The following GRAMD2B variants were observed in gnomAD, a reference collection of about 807,000 sequenced individuals.
GRAMD2B encodes the protein GRAM domain containing 2B.
In GRAMD2B, 41 loss-of-function variants were observed where a neutral mutation model predicts 59.2. That is an observed-to-expected ratio of 0.69 (90% CI 0.54 to 0.90). The LOEUF (loss-of-function observed/expected upper bound fraction) is 0.90, where lower values mean the gene tolerates loss of function less well. Ranked by LOEUF, GRAMD2B falls within the 40% of genes least tolerant of loss-of-function variation. The probability of loss-of-function intolerance (pLI) is 0.00; values close to 1 mark genes in which losing one functional copy is unlikely to be tolerated. For synonymous variants in GRAMD2B, 161 were observed against 182.7 expected, an observed-to-expected ratio of 0.88 and a Z score of 0.96; for missense variants, 424 against 500.5, an observed-to-expected ratio of 0.85 and a Z score of 1.46.
chr5:126,449,205 G>A (rs1009148937), intron 1 of GRAMD2B, among the ~76,000 whole-genome samples: 3 of 152,166 alleles, frequency 2.0e-5, no homozygotes, highest in African/African-American at 7.2e-5. Context: ...GTACTGTCAT[G>A]TACAAATTAT....
chr5:126,476,172 CT>C (rs1770570267), intron 5 of GRAMD2B, among the ~76,000 whole-genome samples: 1 of 152,180 alleles, frequency 6.6e-6, no homozygotes, highest in Non-Finnish European at 1.5e-5. Flanking sequence ...ACTCAGGAGG[CT>C]GAGGCAGGAG....
chr5:126,400,288 CAGTT>C (rs1412612540), intron 1 of GRAMD2B, among the ~76,000 whole-genome samples: 1 of 152,058 alleles, frequency 6.6e-6, no homozygotes, highest in Non-Finnish European at 1.5e-5. Flanking sequence ...TATGTTATAA[CAGTT>C]AGCTTATTGT....
rs370884799 is a variant in GRAMD2B at position 126,377,088 on chromosome 5, TC to T, written c.125+5523del. 2.5e-4 allele frequency among the ~76,000 whole-genome samples: 37 copies of T among 148,996 alleles called. No individual in the cohort carries two copies. In the East Asian group the frequency reaches 6.5e-3, roughly 26 times the overall value. ...TCTTTCCCAGACTTCACCAGATACTTCCGCACATTCAATATTTTCTCAATGC... is the reference window on the plus strand; with the variant it reads ...TCTTTCCCAGACTTCACCAGATACTTCGCACATTCAATATTTTCTCAATGC... On this transcript the variant is annotated intron_variant, in intron 1 of 8. Transcript: ENST00000506445.
At chr5:126,374,803 T>C (rs1359874284) in intron 1 of GRAMD2B, among the ~76,000 whole-genome samples, 1 of 152,240 alleles carries the variant, frequency 6.6e-6, no homozygotes, top group Non-Finnish European at 1.5e-5. Flanking sequence ...TAATCTGTAA[T>C]GCCAGCTCTG....
At chr5:126,468,690 G>T (rs1488462969) in intron 2 of GRAMD2B, among the ~76,000 whole-genome samples, 1 of 151,994 alleles carries the variant, frequency 6.6e-6, no homozygotes, top group Non-Finnish European at 1.5e-5. Context: ...ATTTCGCTAT[G>T]TTGGCCAGGC....
At chr5:126,392,288 C>G (rs1561473139) in intron 1 of GRAMD2B, among the ~76,000 whole-genome samples, 1 of 152,142 alleles carries the variant, frequency 6.6e-6, no homozygotes, top group Non-Finnish European at 1.5e-5. Flanking sequence ...AGATTTCTTA[C>G]AGTGACATAG....
intron 1 of GRAMD2B, among the ~76,000 whole-genome samples, chr5:126,383,652 C>T (rs867098105): frequency 4.6e-5 from 7 of 152,046 alleles, no homozygotes; most frequent in Non-Finnish European, 1.0e-4. Context: ...CAAAACTATG[C>T]GAACAAATTA....
At chr5:126,434,435 C>T (rs1762065219) in intron 1 of GRAMD2B, among the ~76,000 whole-genome samples, 1 of 152,296 alleles carries the variant, frequency 6.6e-6, no homozygotes, top group South Asian at 2.1e-4. Context: ...ACCCCCTCCC[C>T]ATATTCCAAA....
upstream of GRAMD2B, among the ~76,000 whole-genome samples, chr5:126,419,865 G>C (rs368262251): frequency 1.8e-4 from 27 of 152,092 alleles, no homozygotes; most frequent in South Asian, 5.4e-3. Context: ...GACCAGCCTG[G>C]CCAATATGGT....
At chr5:126,454,578 A>G (rs1361983617) in intron 1 of GRAMD2B, among the ~76,000 whole-genome samples, 2 of 152,226 alleles carry the variant, frequency 1.3e-5, no homozygotes, top group Non-Finnish European at 2.9e-5. Flanking sequence ...GAGACATAAT[A>G]TTTTAGGAAA....
chr5:126,450,110 G>A (rs1395236071), intron 1 of GRAMD2B, among the ~76,000 whole-genome samples: 2 of 151,910 alleles, frequency 1.3e-5, no homozygotes, highest in Non-Finnish European at 2.9e-5. Flanking sequence ...GGAAATGAAG[G>A]GTATAGGAGG....
intron 1 of GRAMD2B, among the ~76,000 whole-genome samples, chr5:126,416,430 G>A (rs1759270230): frequency 6.6e-6 from 1 of 152,122 alleles, no homozygotes; most frequent in Non-Finnish European, 1.5e-5. Flanking sequence ...GAAACTCAGT[G>A]GTTAGAAACA....
intron 1 of GRAMD2B, among the ~76,000 whole-genome samples, chr5:126,404,196 C>A (rs543821831): frequency 3.3e-5 from 5 of 151,928 alleles, no homozygotes; most frequent in African/African-American, 1.2e-4. Context: ...CAACACAACC[C>A]AAGGAAATGA....
intron 1 of GRAMD2B, among the ~76,000 whole-genome samples, chr5:126,386,976 A>ATCACCATATCACTAGG (rs1756202111): frequency 6.6e-6 from 1 of 152,186 alleles, no homozygotes; most frequent in South Asian, 2.1e-4. Context: ...ATCACCATAT[A>ATCACCATATCACTAGG]TTCTTTTATA....
chr5:126,405,820 G>T (rs1472438920), intron 1 of GRAMD2B, among the ~76,000 whole-genome samples: 2 of 151,814 alleles, frequency 1.3e-5, no homozygotes, highest in Admixed American at 1.3e-4. Flanking sequence ...GATAAGCTAG[G>T]AACCAAGTAG....
intron 1 of GRAMD2B, among the ~76,000 whole-genome samples, chr5:126,383,306 C>A (rs2149707329): frequency 6.6e-6 from 1 of 152,264 alleles, no homozygotes; most frequent in Non-Finnish European, 1.5e-5. Flanking sequence ...TTCATAAAAA[C>A]AAAACCAGGC....
intron 5 of GRAMD2B, among the ~76,000 whole-genome samples, chr5:126,474,057 G>A (rs1363568761): frequency 4.6e-5 from 7 of 152,180 alleles, no homozygotes; most frequent in Admixed American, 4.6e-4. Context: ...GTGGGACTAT[G>A]GCCTATCAAA....
At chr5:126,480,582 G>A in intron 7 of GRAMD2B, 45 bp from the exon 8 acceptor site, 1 of 1,607,892 alleles carries the variant, frequency 6.2e-7, no homozygotes, top group African/African-American at 1.3e-5. Flanking sequence ...ATTTCTTATG[G>A]TTTCATAGTT....
intron 1 of GRAMD2B, among the ~76,000 whole-genome samples, chr5:126,463,298 G>A (rs1052977375): frequency 2.6e-5 from 4 of 152,134 alleles, no homozygotes; most frequent in African/African-American, 9.7e-5. Flanking sequence ...ATGTTGAGAT[G>A]GATTATTGAA....
Sources: allele counts gnomAD v4.1 joint callset (sites outside exome capture counted in the v4.1 genomes callset), GRCh38; gene constraint gnomAD v4.1.1; transcripts MANE v1.5; gene names NCBI Gene and HGNC (gene_info 2026-07-23, HGNC 2026-07-21).